The following NUP160 variants were observed in gnomAD, a reference collection of about 807,000 sequenced individuals.
NUP160 encodes nucleoporin 160.
A neutral mutation model predicts 196.9 loss-of-function variants in NUP160; 94 were observed. That is an observed-to-expected ratio of 0.48 (90% CI 0.40 to 0.57). The LOEUF is 0.57. NUP160 is among the 20% of genes least tolerant of loss of function. The pLI, the probability that NUP160 is intolerant of heterozygous loss-of-function variation, is 0.00. For missense variants in NUP160, 1,638 were observed against 1,748.3 expected, an observed-to-expected ratio of 0.94 and a Z score of 1.13; for synonymous variants, 605 against 619.7, an observed-to-expected ratio of 0.98 and a Z score of 0.35.
At chr11:47,818,167 A>C (rs762958635) in intron 10 of NUP160, 43 bp from the exon 11 acceptor site, 7 of 1,371,780 alleles carry the variant, frequency 5.1e-6, no homozygotes, top group African/African-American at 1.4e-5. Flanking sequence ...TCCTAAACAA[A>C]ATTTGGAATT....
intron 24 of NUP160, 22 bp downstream of exon 24, chr11:47,798,346 C>A (rs770782948): frequency 6.3e-7 from 1 of 1,579,610 alleles, no homozygotes; most frequent in Non-Finnish European, 8.7e-7. Flanking sequence ...AAGAAAACAA[C>A]CAAATTGCAG....
intron 9 of NUP160, among the ~76,000 whole-genome samples, chr11:47,820,497 A>G (rs920375768): frequency 7.9e-5 from 12 of 152,202 alleles, no homozygotes; most frequent in African/African-American, 2.9e-4. Context: ...CTCCTGCCTC[A>G]GTCTAATAGG....
intron 7 of NUP160, among the ~76,000 whole-genome samples, chr11:47,825,732 C>T (rs748543773): frequency 9.2e-5 from 14 of 152,164 alleles, no homozygotes; most frequent in Admixed American, 5.9e-4. Context: ...GGATTACAGG[C>T]ATGAGCCATA....
intron 34 of NUP160, among the ~76,000 whole-genome samples, chr11:47,782,152 C>T (rs2097661240): frequency 6.6e-6 from 1 of 151,234 alleles, no homozygotes. Flanking sequence ...GATGTGGTGG[C>T]AGGTGCCTGT....
chr11:47,846,068 G>A (rs1416329790), intron 2 of NUP160, among the ~76,000 whole-genome samples: 10 of 151,580 alleles, frequency 6.6e-5, no homozygotes, highest in South Asian at 6.2e-4. Context: ...CCCAGGAGGC[G>A]GAGACTGCAG....
chr11:47,848,011 G>A, intron 1 of NUP160, 52 bp from the exon 2 acceptor site: 1 of 1,439,090 alleles, frequency 6.9e-7, no homozygotes, highest in East Asian at 2.3e-5. Flanking sequence ...GAAATGACAG[G>A]GACTAAGGGA....
chr11:47,848,021 A>G (rs1185443175), intron 1 of NUP160, 62 bp from the exon 2 acceptor site: 2 of 1,388,416 alleles, frequency 1.4e-6, no homozygotes, highest in Non-Finnish European at 2.0e-6. Flanking sequence ...GGACTAAGGG[A>G]GCTGACAAAG....
At chr11:47,817,713 C>T (rs1391971944) in intron 11 of NUP160, among the ~76,000 whole-genome samples, 1 of 152,194 alleles carries the variant, frequency 6.6e-6, no homozygotes, top group African/African-American at 2.4e-5. Context: ...AACAGTATAA[C>T]CAAAACTAAA....
At chr11:47,795,634 C>T (rs1486267548) in intron 27 of NUP160, among the ~76,000 whole-genome samples, 2 of 152,142 alleles carry the variant, frequency 1.3e-5, no homozygotes, top group African/African-American at 2.4e-5. Flanking sequence ...ACATTCCGCT[C>T]ACATTCCGTT....
At chr11:47,813,951 G>A (rs2097682651) in intron 13 of NUP160, among the ~76,000 whole-genome samples, 1 of 150,156 alleles carries the variant, frequency 6.7e-6, no homozygotes, top group Non-Finnish European at 1.5e-5. Flanking sequence ...GGCGCCTGTA[G>A]TCCCAGCTAC....
chr11:47,822,671 C>T (rs1851887725), intron 7 of NUP160, among the ~76,000 whole-genome samples: 1 of 151,948 alleles, frequency 6.6e-6, no homozygotes, highest in Non-Finnish European at 1.5e-5. Context: ...GTGCTGCACC[C>T]ATTAATTCAT....
chr11:47,834,397 G>A (rs1302948955), intron 7 of NUP160, among the ~76,000 whole-genome samples: 1 of 152,048 alleles, frequency 6.6e-6, no homozygotes, highest in Non-Finnish European at 1.5e-5. Context: ...GAGATGGATA[G>A]GTATGTTCAA....
chr11:47,785,595 A>G (rs867614682), intron 32 of NUP160, among the ~76,000 whole-genome samples: 4 of 152,220 alleles, frequency 2.6e-5, no homozygotes, highest in Middle Eastern at 3.2e-3. Context: ...GTAAACAAAC[A>G]TATTTAGTAA....
At chr11:47,825,002 AG>A (rs1851939832) in intron 7 of NUP160, among the ~76,000 whole-genome samples, 1 of 151,202 alleles carries the variant, frequency 6.6e-6, no homozygotes, top group African/African-American at 2.4e-5. Context: ...CGCCCAGCTA[AG>A]TTTTTGTATT....
exon 16 of NUP160, chr11:47,812,368 T>C (rs1565197986): frequency 6.2e-7 from 1 of 1,613,816 alleles, no homozygotes; most frequent in Middle Eastern, 1.6e-4. Flanking sequence ...AGTAGTCCAA[T>C]TGCATGGATT....
At chr11:47,839,948 T>A in exon 4 of NUP160, 1 of 1,614,030 alleles carries the variant, frequency 6.2e-7, no homozygotes, top group South Asian at 1.1e-5. Flanking sequence ...GTAGAGGCGG[T>A]GGAATTAGGA....
chr11:47,815,805 T>C, intron 12 of NUP160, 141 bp downstream of exon 12: 5 of 899,708 alleles, frequency 5.6e-6, no homozygotes, highest in Non-Finnish European at 6.8e-6. Flanking sequence ...GTGTATCTGA[T>C]TCTCTAGTTA....
At chr11:47,827,363 CAAA>C (rs59609032) in intron 7 of NUP160, among the ~76,000 whole-genome samples, 2 of 87,330 alleles carry the variant, frequency 2.3e-5, no homozygotes, top group Admixed American at 1.4e-4. Context: ...GACACTGTCT[CAAA>C]AAAAAAAAAA....
intron 32 of NUP160, among the ~76,000 whole-genome samples, chr11:47,785,766 A>T (rs878905156): frequency 6.6e-6 from 1 of 152,194 alleles, no homozygotes; most frequent in Admixed American, 6.5e-5. Flanking sequence ...GATTTCTCAT[A>T]ATCTGTATTT....
Sources: gnomAD v4.1 joint callset for allele counts (sites outside exome capture counted in the v4.1 genomes callset) on GRCh38, gnomAD v4.1.1 for gene constraint, MANE v1.5 for transcripts, NCBI Gene and HGNC (gene_info 2026-07-23, HGNC 2026-07-21) for gene names.